LCMT2: variants seen among roughly 807,000 people sequenced by gnomAD.
LCMT2 encodes leucine carboxyl methyltransferase 2.
Under a neutral mutation model 42.0 loss-of-function variants are expected in LCMT2, and 34 were observed. The observed-to-expected ratio is 0.81, with a 90% CI of 0.62 to 1.08. LCMT2 has a LOEUF of 1.08. LCMT2 is among the 50% of genes least tolerant of loss of function. LCMT2 has a pLI of 0.00. For synonymous variants in LCMT2, 445 were observed against 369.5 expected, an observed-to-expected ratio of 1.20 and a Z score of -2.34; for missense variants, 1,091 against 889.4, an observed-to-expected ratio of 1.23 and a Z score of -2.88.
rs777629234 is a variant in LCMT2 at position 43,330,418 on chromosome 15, C to G, written c.72G>C (p.Lys24Asn). 6.4e-7 allele frequency: 1 copy of G among 1,566,980 alleles called. No homozygotes were observed. The highest frequency in any genetic ancestry group is 1.4e-5 in the African/African-American group (1 of 72,360). The change falls in exon 1 of 1, where the codon AAG (lysine) becomes AAC (asparagine). Residue 24 changes from lysine to asparagine, a missense_variant. Coordinates refer to ENST00000305641, the MANE Select transcript of LCMT2 (RefSeq NM_014793.5). Reference protein sequence around the residue: ...QNTNDSSALSKRSLAARGYVQ... With the variant: ...QNTNDSSALSNRSLAARGYVQ... ...CGTACCCGCGCGCGGCCAGGGAACGCTTGCTGAGGGCGCTGCTGTCGTTGG... is the reference window on the plus strand; with the variant it reads ...CGTACCCGCGCGCGGCCAGGGAACGGTTGCTGAGGGCGCTGCTGTCGTTGG...
Position 43,330,341 on chromosome 15 carries a change from G to C in LCMT2, c.149C>G (p.Pro50Arg), listed in dbSNP as rs751845123. The C allele has an allele frequency of 4.4e-6, 7 of 1,601,768 alleles. No homozygotes were observed. The highest frequency in any genetic ancestry group is 5.1e-6 in the Non-Finnish European group (6 of 1,178,096). ...LLVPGAARRA[P>R]LIHRGYYVRA... ...GACGTAGTAGCCTCGGTGAATGAGC[G>C]GTGCGCGGCGCGCCGCGCCCGGAAC... is the stretch of plus-strand genomic sequence containing the variant. The change falls in exon 1 of 1, where the codon CCG (proline) becomes CGG (arginine). Residue 50 changes from proline (P) to arginine (R), a missense_variant. Transcript: ENST00000305641.
In LCMT2 at chr15:43,329,671, T is replaced by C; in HGVS notation, c.819A>G (p.Glu273=). 6.2e-7 allele frequency: 1 copy of C among 1,613,730 alleles called. No individual in the cohort carries two copies. Among genetic ancestry groups the C allele is most frequent in the South Asian group, 1.1e-5 (1 of 91,084 alleles). Residue 273 remains glutamate, a synonymous_variant, in exon 1 of 1, where the codon GAA becomes GAG. Coordinates refer to ENST00000305641, the MANE Select transcript of LCMT2 (RefSeq NM_014793.5). ...CTGCGGGAAGAAAGCAGTGATAGAA[T>C]TCATTCATGTCCACGGCACCGCAGG... The part of the protein sequence containing the change: ...WTACGAVDMN[E]FYHCFLPAEE...
At position 43,330,102 on chromosome 15, in the gene LCMT2, G is replaced by C. The variant is rs1006047913; in HGVS notation, c.388C>G (p.Pro130Ala). Residue 130 changes from proline to alanine, a missense_variant, in exon 1 of 1, where the codon CCA (proline) becomes GCA (alanine). Pro to Ala is a conservative substitution (Grantham distance 27). Transcript: ENST00000305641. ...RRKAERIGET[P>A]ELCALTGPFE... ...GGCCCGGTTAACGCGCACAGCTCTG[G>C]CGTCTCTCCAATCCTTTCTGCTTTG... 7 of 1,611,872 alleles carry C rather than the reference G, an allele frequency of 4.3e-6. No homozygotes were observed. In the African/African-American group the frequency reaches 6.7e-5, roughly 15 times the overall value.
Position 43,329,393 on chromosome 15 carries a change from C to A in LCMT2, c.1097G>T (p.Ser366Ile). 6.2e-7 allele frequency: 1 copy of A among 1,614,132 alleles called. No homozygotes were observed. Among genetic ancestry groups the A allele is most frequent in the Non-Finnish European group, 8.5e-7 (1 of 1,180,032 alleles). ...KRYGHASVFL[S>I]PDVILSAGGF... ...TCCTGCACTGAGAATAACGTCTGGG[C>A]TCAAGAAGACAGAGGCGTGGCCATA... Residue 366 changes from serine (S) to isoleucine (I), a missense_variant, in exon 1 of 1, where the codon AGC becomes ATC. Physicochemically the swap from Ser to Ile is moderately radical, Grantham distance 142. Transcript: ENST00000305641.
In LCMT2 at chr15:43,330,163, T is replaced by A. The variant is rs1279520615; in HGVS notation, c.327A>T (p.Ala109=). The A allele has an allele frequency of 6.2e-7, 1 of 1,611,506 alleles. No homozygotes were observed. The highest frequency in any genetic ancestry group is 1.3e-5 in the African/African-American group (1 of 74,848). The change falls in exon 1 of 1, where the codon GCA becomes GCT. Residue 109 remains alanine, a synonymous_variant. Coordinates refer to ENST00000305641, the MANE Select transcript of LCMT2 (RefSeq NM_014793.5). The part of the protein sequence containing the change: ...LKTAGRLARA[A]VWEVDFPDVA... ...CGTCCGGAAAATCCACCTCCCAGAC[T>A]GCAGCCCGGGCCAGGCGGCCCGCGG...
rs1440454816 is a variant in LCMT2, at chr15:43,330,397, C to T, written c.93G>A (p.Gly31=). The T allele has an allele frequency of 1.3e-6, 2 of 1,580,836 alleles. No homozygotes were observed. The highest frequency in any genetic ancestry group is 1.7e-6 in the Non-Finnish European group (2 of 1,170,722). The change falls in exon 1 of 1, where the codon GGG becomes GGA. Residue 31 remains glycine (G), a synonymous_variant. Coordinates refer to ENST00000305641, the MANE Select transcript of LCMT2 (RefSeq NM_014793.5). The stretch of plus-strand genomic sequence containing the variant: ...ACGCGGCAAAGGGGTCCTGCACGTA[C>T]CCGCGCGCGGCCAGGGAACGCTTGC... ...ALSKRSLAAR[G]YVQDPFAALL... is the part of the protein sequence containing the mutation.
Position 43,328,870 on chromosome 15 carries a change from G to A in LCMT2, c.1620C>T (p.Cys540=), listed in dbSNP as rs1218214443. The change falls in exon 1 of 1, where the codon TGC becomes TGT. Residue 540 remains cysteine, a synonymous_variant. Coordinates refer to ENST00000305641, the MANE Select transcript of LCMT2 (RefSeq NM_014793.5). ...VPEARHSHSA[C]TWQGGALIAG... is the part of the protein sequence containing the mutation. ...CAATAAGGGCTCCCCCTTGCCAAGT[G>A]CAGGCACTGTGAGAATGCCGGGCTT... is the stretch of plus-strand genomic sequence containing the variant. 3.1e-6 allele frequency: 5 copies of A among 1,613,846 alleles called. No individual in the cohort carries two copies. The East Asian group carries it at 6.7e-5, about 22-fold the overall frequency.
In LCMT2 at chr15:43,330,271, C is replaced by G. The variant is rs1377533439; in HGVS notation, c.219G>C (p.Gln73His). The G allele has an allele frequency of 6.3e-7, 1 of 1,599,058 alleles. No individual in the cohort carries two copies. The highest frequency in any genetic ancestry group is 1.8e-5 in the Admixed American group (1 of 55,784). The change falls in exon 1 of 1, where the codon CAG becomes CAC. Residue 73 changes from glutamine (Q) to histidine (H), a missense_variant. By Grantham distance (24) the Gln-to-His change is conservative. Transcript: ENST00000305641. ...VRHCVRAFLEQIGAPQAALRA... is the reference protein window; with the variant it reads ...VRHCVRAFLEHIGAPQAALRA... Reference sequence around the variant, plus strand: ...GAAGCGCGGCCTGGGGCGCGCCAATCTGCTCCAAAAAAGCGCGCACGCAGT... The same window carrying G: ...GAAGCGCGGCCTGGGGCGCGCCAATGTGCTCCAAAAAAGCGCGCACGCAGT...
In LCMT2 at chr15:43,330,300, T is replaced by G; in HGVS notation, c.190A>C (p.Arg64=). The G allele has an allele frequency of 6.3e-7, 1 of 1,594,182 alleles. No homozygotes were observed. Among genetic ancestry groups the G allele is most frequent in the South Asian group, 1.1e-5 (1 of 89,594 alleles). The change falls in exon 1 of 1, where the codon AGG becomes CGG. Residue 64 remains arginine (R), a synonymous_variant. Coordinates refer to ENST00000305641, the MANE Select transcript of LCMT2 (RefSeq NM_014793.5). The stretch of plus-strand genomic sequence containing the variant: ...TCCAAAAAAGCGCGCACGCAGTGCC[T>G]CACGGCGCGTGCGCGGACGTAGTAG... The part of the protein sequence containing the change: ...RGYYVRARAV[R]HCVRAFLEQI...
rs1310270979 is a variant in LCMT2 at position 43,328,615 on chromosome 15, A to G, written c.1875T>C (p.Ser625=). ...CATATGTTGTGTCAATCTGATACTCAGAGCTCAATCCTGTAGTCAAATTGA... is the reference window on the plus strand; with the variant it reads ...CATATGTTGTGTCAATCTGATACTCGGAGCTCAATCCTGTAGTCAAATTGA... ...TVINLTTGLS[S]EYQIDTTYVP... is the part of the protein sequence containing the mutation. The change falls in exon 1 of 1, where the codon TCT becomes TCC. Residue 625 remains serine, a synonymous_variant. Transcript: ENST00000305641. 6 of 1,614,242 alleles carry G rather than the reference A, an allele frequency of 3.7e-6. No individual in the cohort carries two copies. Among genetic ancestry groups the G allele is most frequent in the Admixed American group, 1.7e-5 (1 of 60,034 alleles).
chr15:43,330,354 C>G lies in LCMT2; in HGVS notation c.136G>C (p.Ala46Pro). ...CGGTGAATGAGCGGTGCGCGGCGCG[C>G]CGCGCCCGGAACCAGCAACGCGGCA... The part of the protein sequence containing the change: ...PFAALLVPGA[A>P]RRAPLIHRGY... The change falls in exon 1 of 1, where the codon GCG becomes CCG. Residue 46 changes from alanine to proline, a missense_variant. Physicochemically the swap from Ala to Pro is conservative, Grantham distance 27 (BLOSUM62 -1). Coordinates refer to ENST00000305641, the MANE Select transcript of LCMT2 (RefSeq NM_014793.5). 2 of 1,603,966 alleles carry G rather than the reference C, an allele frequency of 1.2e-6. No individual in the cohort carries two copies. The highest frequency in any genetic ancestry group is 8.5e-7 in the Non-Finnish European group (1 of 1,178,574).
In LCMT2 at chr15:43,330,407, G is replaced by T; in HGVS notation, c.83C>A (p.Ala28Asp). The T allele has an allele frequency of 6.4e-7, 1 of 1,572,410 alleles. No individual in the cohort carries two copies. Among genetic ancestry groups the T allele is most frequent in the Non-Finnish European group, 8.6e-7 (1 of 1,167,534 alleles). The change falls in exon 1 of 1, where the codon GCC becomes GAC. Residue 28 changes from alanine to aspartate, a missense_variant. Physicochemically the swap from Ala to Asp is moderately radical, Grantham distance 126 (BLOSUM62 -2). Transcript: ENST00000305641. ...GGGGTCCTGCACGTACCCGCGCGCGGCCAGGGAACGCTTGCTGAGGGCGCT... is the reference window on the plus strand; with the variant it reads ...GGGGTCCTGCACGTACCCGCGCGCGTCCAGGGAACGCTTGCTGAGGGCGCT... ...DSSALSKRSL[A>D]ARGYVQDPFA...
chr15:43,330,197 C>G lies in LCMT2; in HGVS notation c.293G>C (p.Arg98Pro), dbSNP rs969335619. Residue 98 changes from arginine (R) to proline (P), a missense_variant, in exon 1 of 1, where the codon CGC becomes CCC. Coordinates refer to ENST00000305641, the MANE Select transcript of LCMT2 (RefSeq NM_014793.5). ...GGCCAGGCGGCCCGCGGTTTTTAAG[C>G]GAAAATAGAGCGAGTCGAAGCCAGC... The part of the protein sequence containing the change: ...LGAGFDSLYF[R>P]LKTAGRLARA... 2.5e-6 allele frequency: 4 copies of G among 1,611,702 alleles called. No homozygotes were observed. The East Asian group carries it at 8.9e-5, about 36-fold the overall frequency.
chr15:43,325,488 T>A lies in LCMT2; in HGVS notation c.*2941A>T, dbSNP rs998995421. ...GCTCTAATGAGTAGAGCTCGAGAGA[T>A]GAATAATTCCTTAACTGAGCATGAT... On this transcript the variant is annotated 3_prime_UTR_variant, in exon 1 of 1. Coordinates refer to ENST00000305641, the MANE Select transcript of LCMT2 (RefSeq NM_014793.5). 1 of 152,112 alleles carries A rather than the reference T, an allele frequency of 6.6e-6. No homozygotes were observed. The highest frequency in any genetic ancestry group is 1.5e-5 in the Non-Finnish European group (1 of 68,000). 9.4% of individuals were successfully genotyped at this position (152,112 alleles called of 1,614,324 possible).
At position 43,329,956 on chromosome 15, in the gene LCMT2, G is replaced by A; in HGVS notation, c.534C>T (p.Asp178=). The change falls in exon 1 of 1, where the codon GAC becomes GAT. Residue 178 remains aspartate, a synonymous_variant. Coordinates refer to ENST00000305641, the MANE Select transcript of LCMT2 (RefSeq NM_014793.5). ...VEEALGAAGL[D]AASPTLLLAE... is the part of the protein sequence containing the mutation. ...CCAGGAGCAGAGTGGGTGAGGCTGCGTCGAGCCCCGCGGCGCCCAGGGCCT... is the reference window on the plus strand; with the variant it reads ...CCAGGAGCAGAGTGGGTGAGGCTGCATCGAGCCCCGCGGCGCCCAGGGCCT... 1 of 1,612,430 alleles carries A rather than the reference G, an allele frequency of 6.2e-7. No homozygotes were observed. Among genetic ancestry groups the A allele is most frequent in the Non-Finnish European group, 8.5e-7 (1 of 1,179,782 alleles).
rs2142446942 is a variant in LCMT2 at position 43,328,565 on chromosome 15, T to C, written c.1925A>G (p.Asn642Ser). 2.5e-6 allele frequency: 4 copies of C among 1,614,200 alleles called. No homozygotes were observed. The highest frequency in any genetic ancestry group is 3.4e-6 in the Non-Finnish European group (4 of 1,180,028). The change falls in exon 1 of 1, where the codon AAC becomes AGC. Residue 642 changes from asparagine (N) to serine (S), a missense_variant. Transcript: ENST00000305641. ...TYVPWPLMLH[N>S]HTSILLPEEQ... ...TTCAGGAAGAAGGATACTAGTATGG[T>C]TGTGTAACATTAATGGCCATGGCAC...
At position 43,329,497 on chromosome 15, in the gene LCMT2, G is replaced by C; in HGVS notation, c.993C>G (p.Arg331=). Residue 331 remains arginine, a synonymous_variant, in exon 1 of 1, where the codon CGC becomes CGG. Coordinates refer to ENST00000305641, the MANE Select transcript of LCMT2 (RefSeq NM_014793.5). The stretch of plus-strand genomic sequence containing the variant: ...CCCCTGAAGGCGAAGCAGGATTTAC[G>C]CGAGGAAATGCCTCTGAGGATGGAA... ...LVFPSSEAFP[R]VNPASPSGVF... The C allele has an allele frequency of 1.9e-6, 3 of 1,614,150 alleles. No homozygotes were observed. The highest frequency in any genetic ancestry group is 1.1e-5 in the South Asian group (1 of 91,084).
At position 43,330,259 on chromosome 15, in the gene LCMT2, G is replaced by C; in HGVS notation, c.231C>G (p.Pro77=). The C allele has an allele frequency of 6.2e-7, 1 of 1,603,688 alleles. No homozygotes were observed. The highest frequency in any genetic ancestry group is 8.5e-7 in the Non-Finnish European group (1 of 1,178,146). Residue 77 remains proline, a synonymous_variant, in exon 1 of 1, where the codon CCC becomes CCG. Transcript: ENST00000305641. ...VRAFLEQIGA[P]QAALRAQILS... is the part of the protein sequence containing the mutation. ...AGATCTGCGCGCGAAGCGCGGCCTG[G>C]GGCGCGCCAATCTGCTCCAAAAAAG...
rs1160707351 is a variant in LCMT2 at position 43,326,013 on chromosome 15, G to A, written c.*2416C>T. 8.4e-6 allele frequency: 1 copy of A among 119,608 alleles called. No individual in the cohort carries two copies. Among genetic ancestry groups the A allele is most frequent in the Middle Eastern group, 7.2e-3 (1 of 138 alleles). 7.4% of individuals were successfully genotyped at this position (119,608 alleles called of 1,614,324 possible). A position where few individuals can be genotyped will look rare whatever the true frequency, so the allele number is the denominator to read the frequency against. Reference sequence around the variant, plus strand: ...GCGCCACCATCCCTGGCTAATCTTTGTATATATAGATAGATGGATAATTTT... The same window carrying A: ...GCGCCACCATCCCTGGCTAATCTTTATATATATAGATAGATGGATAATTTT... On this transcript the variant is annotated 3_prime_UTR_variant, in exon 1 of 1. Coordinates refer to ENST00000305641, the MANE Select transcript of LCMT2 (RefSeq NM_014793.5).
Sources: allele counts gnomAD v4.1 joint callset, GRCh38; gene constraint gnomAD v4.1.1; transcripts MANE v1.5; gene names NCBI Gene and HGNC (gene_info 2026-07-23, HGNC 2026-07-21).